The following FGF12 variants were observed in gnomAD, a reference collection of about 807,000 sequenced individuals.
The protein encoded by FGF12 is fibroblast growth factor 12B.
In FGF12, 14 loss-of-function variants were observed where a neutral mutation model predicts 23.6. The observed-to-expected ratio is 0.59, with a 90% CI of 0.39 to 0.93. The LOEUF (loss-of-function observed/expected upper bound fraction) is 0.93, where lower values mean the gene tolerates loss of function less well. Among genes scored for constraint, FGF12 ranks in the 40% least tolerant of loss-of-function variants. The pLI is 0.00. For missense variants in FGF12, 175 were observed against 217.8 expected (o/e 0.80, Z 1.24); for synonymous variants, 62 against 77.3 (o/e 0.80, Z 1.04).
At chr3:192,611,619 C>G (rs953835280) in intron 2 of FGF12, among the ~76,000 whole-genome samples, 1 of 151,952 alleles carries the variant, frequency 6.6e-6, no homozygotes, top group African/African-American at 2.4e-5. Flanking sequence ...CAAACCACTG[C>G]CTGGGACCTG....
chr3:192,631,969 C>T (rs980118452), intron 2 of FGF12, among the ~76,000 whole-genome samples: 1 of 152,198 alleles, frequency 6.6e-6, no homozygotes, highest in Non-Finnish European at 1.5e-5. Flanking sequence ...TAGTAAATCA[C>T]TGAACTGCTC....
At chr3:192,650,114 G>A (rs943367005) in intron 2 of FGF12, among the ~76,000 whole-genome samples, 4 of 152,164 alleles carry the variant, frequency 2.6e-5, no homozygotes, top group African/African-American at 4.8e-5. Context: ...AGTCATGGGC[G>A]AAGCCCCAAA....
At chr3:192,594,580 T>C (rs910323393) in intron 2 of FGF12, among the ~76,000 whole-genome samples, 3 of 151,932 alleles carry the variant, frequency 2.0e-5, no homozygotes, top group Non-Finnish European at 4.4e-5. Context: ...CATACGTTGA[T>C]GGCTTTTGGA....
chr3:192,609,378 T>C (rs572232579), intron 2 of FGF12, among the ~76,000 whole-genome samples: 2 of 152,194 alleles, frequency 1.3e-5, no homozygotes, highest in Admixed American at 1.3e-4. Flanking sequence ...TGGCTTATGA[T>C]TGTTGGTTCT....
chr3:192,520,224 G>A (rs1217231101), intron 2 of FGF12, among the ~76,000 whole-genome samples: 1 of 152,160 alleles, frequency 6.6e-6, no homozygotes. Flanking sequence ...GATATATCAT[G>A]TAGAGCTAGA....
intron 2 of FGF12, among the ~76,000 whole-genome samples, chr3:192,657,040 G>C (rs2078170468): frequency 6.6e-6 from 1 of 151,952 alleles, no homozygotes; most frequent in Admixed American, 6.6e-5. Flanking sequence ...TCAACAATGG[G>C]AAGGTTAATA....
In FGF12 at chr3:192,253,269, G is replaced by C. The variant is rs574824379; in HGVS notation, c.228+82092C>G. On this transcript the variant is annotated intron_variant, in intron 4 of 5. Coordinates refer to ENST00000445105, the MANE Select transcript of FGF12 (RefSeq NM_004113.6). ...CTTAGAGCAGAGAGACCATTTTATT[G>C]ATGTTGGATTTTTGCTCCTAGACAT... 6.6e-4 allele frequency among the ~76,000 whole-genome samples: 100 copies of C among 152,106 alleles called. No homozygotes were observed. In the Middle Eastern group the frequency reaches 0.01, roughly 16 times the overall value.
chr3:192,299,566 A>T (rs1715225759), intron 4 of FGF12, among the ~76,000 whole-genome samples: 1 of 152,230 alleles, frequency 6.6e-6, no homozygotes, highest in South Asian at 2.1e-4. Context: ...CTTATATGCA[A>T]ACATACAATA....
intron 2 of FGF12, among the ~76,000 whole-genome samples, chr3:192,467,638 T>G (rs1474676129): frequency 6.6e-6 from 1 of 152,188 alleles, no homozygotes; most frequent in Non-Finnish European, 1.5e-5. Context: ...GGAAGGTCTC[T>G]GTTTGTCTTT....
intron 5 of FGF12, among the ~76,000 whole-genome samples, chr3:192,150,557 A>G (rs1172358254): frequency 6.2e-5 from 9 of 145,918 alleles, no homozygotes; most frequent in Non-Finnish European, 1.2e-4. Context: ...TCCCAGCACC[A>G]TTTATTAAAT....
At chr3:192,198,230 C>CT (rs1251568499) in intron 4 of FGF12, among the ~76,000 whole-genome samples, 1 of 152,122 alleles carries the variant, frequency 6.6e-6, no homozygotes, top group African/African-American at 2.4e-5. Flanking sequence ...GAATGTTCAA[C>CT]TTTTTTATGA....
At chr3:192,358,751 A>G (rs1035521031) in intron 3 of FGF12, among the ~76,000 whole-genome samples, 8 of 152,228 alleles carry the variant, frequency 5.3e-5, no homozygotes, top group Admixed American at 3.9e-4. Context: ...GGGTAAAGGT[A>G]GCATTTTGTA....
At chr3:192,264,462 A>C (rs1712952201) in intron 4 of FGF12, among the ~76,000 whole-genome samples, 1 of 152,152 alleles carries the variant, frequency 6.6e-6, no homozygotes, top group African/African-American at 2.4e-5. Context: ...ATAAATCAGG[A>C]ATGTAGAAAA....
chr3:192,319,320 G>A (rs1716404927), intron 4 of FGF12, among the ~76,000 whole-genome samples: 1 of 152,138 alleles, frequency 6.6e-6, no homozygotes, highest in Non-Finnish European at 1.5e-5. Context: ...TACTGGGCTG[G>A]GCGCAGTGGC....
rs578229493 is a variant in FGF12 at position 192,507,113 on chromosome 3, T to G, written c.14-146575A>C. Among the ~76,000 whole-genome samples the G allele has an allele frequency of 4.6e-4, 70 of 151,768 alleles. 1 individual carries two copies. Among genetic ancestry groups the G allele is most frequent in the African/African-American group, 1.6e-3 (67 of 41,382 alleles). ...TTCACCGTGTTAGCCAGCATGGTCT[T>G]GATCTCCTGACCTCGTGATCTGCCC... On this transcript the variant is annotated intron_variant, in intron 2 of 5. Coordinates refer to ENST00000445105, the MANE Select transcript of FGF12 (RefSeq NM_004113.6).
intron 2 of FGF12, among the ~76,000 whole-genome samples, chr3:192,503,187 C>T (rs1263358952): frequency 6.6e-6 from 1 of 152,192 alleles, no homozygotes; most frequent in African/African-American, 2.4e-5. Context: ...CGGCAGTCTA[C>T]TCAATGAGCC....
intron 2 of FGF12, among the ~76,000 whole-genome samples, chr3:192,448,923 C>A (rs1167833298): frequency 6.6e-6 from 1 of 152,164 alleles, no homozygotes; most frequent in African/African-American, 2.4e-5. Flanking sequence ...AGACTTGCTG[C>A]AGCAGAATCA....
intron 2 of FGF12, among the ~76,000 whole-genome samples, chr3:192,588,504 T>A (rs1038899954): frequency 6.6e-6 from 1 of 151,534 alleles, no homozygotes; most frequent in Non-Finnish European, 1.5e-5. Flanking sequence ...GATAAAAAAA[T>A]TAAATAAAAT....
At chr3:192,721,599 C>A (rs1050070517) in intron 2 of FGF12, among the ~76,000 whole-genome samples, 1 of 151,972 alleles carries the variant, frequency 6.6e-6, no homozygotes, top group Admixed American at 6.5e-5. Flanking sequence ...CACAAAACAC[C>A]AAACCTAATA....
Sources: allele counts gnomAD v4.1 joint callset (sites outside exome capture counted in the v4.1 genomes callset), GRCh38; gene constraint gnomAD v4.1.1; transcripts MANE v1.5; gene names NCBI Gene and HGNC (gene_info 2026-07-23, HGNC 2026-07-21).